The following RBFOX1 variants were observed in gnomAD, a reference collection of about 807,000 sequenced individuals.
RBFOX1 encodes RNA binding protein fox-1 homolog 1.
A neutral mutation model predicts 57.7 loss-of-function variants in RBFOX1; 8 were observed. That is an observed-to-expected ratio of 0.14 (90% CI 0.08 to 0.25). The LOEUF (loss-of-function observed/expected upper bound fraction) is 0.25, where lower values mean the gene tolerates loss of function less well. RBFOX1 is among the 10% of genes least tolerant of loss of function. The pLI is 1.00. For synonymous variants in RBFOX1, 326 were observed against 222.4 expected, an observed-to-expected ratio of 1.47 and a Z score of -4.15; for missense variants, 611 against 548.5, an observed-to-expected ratio of 1.11 and a Z score of -1.14.
intron 4 of RBFOX1, among the ~76,000 whole-genome samples, chr16:5,896,528 A>G (rs940325120): frequency 1.3e-5 from 2 of 151,958 alleles, no homozygotes; most frequent in Non-Finnish European, 2.9e-5. Flanking sequence ...GCAGCCTGAG[A>G]CTCTCACCAG....
intron 4 of RBFOX1, among the ~76,000 whole-genome samples, chr16:5,996,435 A>G (rs972289498): frequency 7.1e-6 from 1 of 139,938 alleles, no homozygotes; most frequent in Non-Finnish European, 1.5e-5. Context: ...GGAGGAGTTC[A>G]CGGAGGTGTG....
chr16:7,417,880 TC>T (rs1597939533), intron 4 of RBFOX1, among the ~76,000 whole-genome samples: 1 of 152,182 alleles, frequency 6.6e-6, no homozygotes, highest in Non-Finnish European at 1.5e-5. Flanking sequence ...CTCTGTCATC[TC>T]CCATCTCCCT....
intron 14 of RBFOX1, among the ~76,000 whole-genome samples, chr16:7,691,799 T>TA (rs1260884290): frequency 3.3e-5 from 5 of 152,128 alleles, no homozygotes; most frequent in Non-Finnish European, 7.4e-5. Flanking sequence ...AGAAATTGGG[T>TA]AGAGCTGCCC....
At chr16:5,449,642 C>T (rs533002984) in intron 1 of RBFOX1, among the ~76,000 whole-genome samples, 8 of 152,238 alleles carry the variant, frequency 5.3e-5, no homozygotes, top group African/African-American at 1.9e-4. Flanking sequence ...CAGGGTTTCT[C>T]TCGGTTGCCC....
intron 1 of RBFOX1, among the ~76,000 whole-genome samples, chr16:5,437,890 G>A (rs944646725): frequency 7.9e-5 from 12 of 152,078 alleles, no homozygotes; most frequent in Non-Finnish European, 1.3e-4. Flanking sequence ...AAGACATATC[G>A]TTGTTGATTG....
chr16:6,285,269 A>G (rs1205071683), intron 1 of RBFOX1, among the ~76,000 whole-genome samples: 1 of 152,154 alleles, frequency 6.6e-6, no homozygotes, highest in Non-Finnish European at 1.5e-5. Flanking sequence ...ATAAGCCTCC[A>G]TGACAAAGGC....
At chr16:6,628,558 T>C (rs2098340690) in intron 2 of RBFOX1, among the ~76,000 whole-genome samples, 1 of 152,318 alleles carries the variant, frequency 6.6e-6, no homozygotes, top group Admixed American at 6.5e-5. Flanking sequence ...ATCCACCTCA[T>C]TTTGTTTTTT....
At chr16:6,313,757 T>G (rs955175061) in intron 1 of RBFOX1, among the ~76,000 whole-genome samples, 2 of 152,042 alleles carry the variant, frequency 1.3e-5, no homozygotes, top group African/African-American at 4.8e-5. Flanking sequence ...GGACCTGAGA[T>G]TCTCCCTGGT....
chr16:6,860,675 T>C (rs1476327083), intron 3 of RBFOX1, among the ~76,000 whole-genome samples: 2 of 152,136 alleles, frequency 1.3e-5, no homozygotes, highest in Non-Finnish European at 2.9e-5. Flanking sequence ...AGAAGATAAA[T>C]TGTAGCAAAA....
intron 1 of RBFOX1, among the ~76,000 whole-genome samples, chr16:5,343,890 T>A (rs912749609): frequency 6.6e-6 from 1 of 152,218 alleles, no homozygotes; most frequent in African/African-American, 2.4e-5. Context: ...GCAGTATGTA[T>A]ACTGTGCAGT....
intron 2 of RBFOX1, among the ~76,000 whole-genome samples, chr16:6,620,548 A>C (rs2098214063): frequency 6.6e-6 from 1 of 152,180 alleles, no homozygotes; most frequent in African/African-American, 2.4e-5. Flanking sequence ...AGATCAATGA[A>C]TCCGGGAGCT....
chr16:7,169,056 A>G (rs1050813093), intron 4 of RBFOX1, among the ~76,000 whole-genome samples: 6 of 152,222 alleles, frequency 3.9e-5, no homozygotes, highest in African/African-American at 1.4e-4. Context: ...GTGACAGTGT[A>G]GTTTGCATGT....
rs1253378736 is a variant in RBFOX1 at position 7,379,752 on chromosome 16, GCCTGCCTGCCTGCCTTCCTGCCTTCCGT to G, written c.28-138379_28-138352del. Reference sequence around the variant, plus strand: ...TTCCTTTCTGCCTGCCTGCTTGCCTGCCTGCCTGCCTGCCTTCCTGCCTTCCGTCCTGCCTGCCTGCCTCCCTGCCTGC... The same window carrying G: ...TTCCTTTCTGCCTGCCTGCTTGCCTGCCTGCCTGCCTGCCTCCCTGCCTGC... On this transcript the variant is annotated intron_variant, in intron 4 of 15. Transcript: ENST00000550418. Among the ~76,000 whole-genome samples the G allele has an allele frequency of 1.4e-3, 213 of 151,120 alleles. 2 individuals carry two copies. Among genetic ancestry groups the G allele is most frequent in the Non-Finnish European group, 2.2e-3 (147 of 67,672 alleles).
chr16:7,535,611 G>T (rs1439953449), intron 5 of RBFOX1, among the ~76,000 whole-genome samples: 2 of 152,136 alleles, frequency 1.3e-5, no homozygotes, highest in Admixed American at 1.3e-4. Context: ...ACTCTTTCCT[G>T]ACACCACCTC....
chr16:6,139,601 A>G (rs1413312567), intron 1 of RBFOX1, among the ~76,000 whole-genome samples: 1 of 152,214 alleles, frequency 6.6e-6, no homozygotes, highest in Admixed American at 6.5e-5. Context: ...TGGAAAAGTT[A>G]TCCCCCAAAT....
intron 1 of RBFOX1, among the ~76,000 whole-genome samples, chr16:6,276,393 G>A (rs2152687392): frequency 6.6e-6 from 1 of 152,244 alleles, no homozygotes; most frequent in African/African-American, 2.4e-5. Context: ...GGAGTGCAGT[G>A]GCACGATCTT....
chr16:7,196,073 ATTATTG>A (rs2086625503), intron 4 of RBFOX1, among the ~76,000 whole-genome samples: 1 of 151,842 alleles, frequency 6.6e-6, no homozygotes, highest in Non-Finnish European at 1.5e-5. Flanking sequence ...AATTATTATT[ATTATTG>A]TTATTATTAT....
intron 4 of RBFOX1, among the ~76,000 whole-genome samples, chr16:7,254,913 C>A (rs921698305): frequency 6.6e-6 from 1 of 152,094 alleles, no homozygotes; most frequent in Non-Finnish European, 1.5e-5. Context: ...ACCATCATTT[C>A]TCTAGACATT....
chr16:5,860,343 G>A (rs1484166260), intron 3 of RBFOX1, among the ~76,000 whole-genome samples: 1 of 152,128 alleles, frequency 6.6e-6, no homozygotes, highest in Non-Finnish European at 1.5e-5. Flanking sequence ...CCAAAGTGCT[G>A]GGATTACAGA....
Sources: gnomAD v4.1 joint callset for allele counts (sites outside exome capture counted in the v4.1 genomes callset) on GRCh38, gnomAD v4.1.1 for gene constraint, MANE v1.5 for transcripts, NCBI Gene and HGNC (gene_info 2026-07-23, HGNC 2026-07-21) for gene names.